DCC: variants seen among roughly 807,000 people sequenced by gnomAD.
DCC encodes the protein netrin receptor DCC.
DCC carries 58 observed loss-of-function variants against 172.5 expected under a neutral mutation model. That is an observed-to-expected ratio of 0.34 (90% CI 0.27 to 0.42). The LOEUF is 0.42. Ranked by LOEUF, DCC falls within the 10% of genes least tolerant of loss-of-function variation. The pLI is 1.00. For synonymous variants in DCC, 709 were observed against 644.5 expected, an observed-to-expected ratio of 1.10 and a Z score of -1.52; for missense variants, 1,740 against 1,791.0, an observed-to-expected ratio of 0.97 and a Z score of 0.51.
intron 1 of DCC, among the ~76,000 whole-genome samples, chr18:52,717,001 C>T (rs748467309): frequency 1.3e-4 from 20 of 152,164 alleles, no homozygotes; most frequent in Non-Finnish European, 2.5e-4. Flanking sequence ...CCCCTCCTGC[C>T]TGCCAAGTAT....
At chr18:53,254,444 C>T (rs2056479185) in intron 12 of DCC, among the ~76,000 whole-genome samples, 1 of 152,046 alleles carries the variant, frequency 6.6e-6, no homozygotes, top group African/African-American at 2.4e-5. Context: ...GCACCCAGAG[C>T]TATCAGCACC....
intron 26 of DCC, among the ~76,000 whole-genome samples, chr18:53,495,677 G>A (rs2046013689): frequency 6.6e-6 from 1 of 152,102 alleles, no homozygotes; most frequent in Non-Finnish European, 1.5e-5. Context: ...GGCCTGTCTT[G>A]AGAAGTTCTC....
rs1164180798 is a variant in DCC, at chr18:53,322,041, T to C, written c.2054-6T>C. The C allele has an allele frequency of 6.4e-7, 1 of 1,553,238 alleles. No individual in the cohort carries two copies. The highest frequency in any genetic ancestry group is 1.4e-5 in the African/African-American group (1 of 73,886). Reference sequence around the variant, plus strand: ...TTCTTCCCCCCTGTGGAAAATTCTTTCATAGGACTGGAGAAAGGAAGTCAG... The same window carrying C: ...TTCTTCCCCCCTGTGGAAAATTCTTCCATAGGACTGGAGAAAGGAAGTCAG... On this transcript the variant is annotated splice_region_variant and splice_polypyrimidine_tract_variant and intron_variant, in intron 13 of 28. Coordinates refer to ENST00000442544, the MANE Select transcript of DCC (RefSeq NM_005215.4).
intron 1 of DCC, among the ~76,000 whole-genome samples, chr18:52,498,797 A>G (rs2030902819): frequency 1.3e-5 from 2 of 152,094 alleles, no homozygotes; most frequent in Admixed American, 1.3e-4. Flanking sequence ...ATAGAAAGAA[A>G]CCTCTGATGT....
chr18:52,366,550 C>G (rs1984866587), intron 1 of DCC, among the ~76,000 whole-genome samples: 1 of 152,110 alleles, frequency 6.6e-6, no homozygotes, highest in Admixed American at 6.5e-5. Context: ...TACAGAGTTT[C>G]CACACACAGG....
chr18:52,384,646 G>T (rs1324099526), intron 1 of DCC, among the ~76,000 whole-genome samples: 1 of 152,128 alleles, frequency 6.6e-6, no homozygotes, highest in Non-Finnish European at 1.5e-5. Context: ...ATACTCATCA[G>T]CTCTTGTTTT....
chr18:53,087,446 G>C (rs1326062114), intron 7 of DCC, among the ~76,000 whole-genome samples: 3 of 151,382 alleles, frequency 2.0e-5, no homozygotes, highest in Non-Finnish European at 4.4e-5. Flanking sequence ...TTTTGATGGG[G>C]TTGTTTGTTT....
At chr18:53,528,395 T>C (rs8088048) in intron 28 of DCC, among the ~76,000 whole-genome samples, 78,104 of 151,922 alleles carry the variant, frequency 0.51, 21,721 homozygotes, top group East Asian at 0.75. Context: ...TAGCTGTTTA[T>C]GTCAATATCT....
chr18:53,293,633 C>T (rs760094436), intron 12 of DCC, among the ~76,000 whole-genome samples: 1 of 152,048 alleles, frequency 6.6e-6, no homozygotes, highest in South Asian at 2.1e-4. Context: ...CACCCTATAC[C>T]TTCAAGTAGG....
At chr18:52,996,526 A>G (rs184542752) in intron 5 of DCC, among the ~76,000 whole-genome samples, 2 of 152,074 alleles carry the variant, frequency 1.3e-5, no homozygotes, top group Admixed American at 1.3e-4. Context: ...AATTTATTTC[A>G]AATTCCAGAA....
intron 1 of DCC, among the ~76,000 whole-genome samples, chr18:52,659,950 A>C (rs576218937): frequency 1.3e-5 from 2 of 152,266 alleles, no homozygotes; most frequent in South Asian, 2.1e-4. Flanking sequence ...TGATTAGACC[A>C]CTGAAACCCA....
chr18:53,510,565 A>AAAAC (rs777487683), intron 27 of DCC, among the ~76,000 whole-genome samples: 4 of 152,200 alleles, frequency 2.6e-5, no homozygotes, highest in South Asian at 2.1e-4. Flanking sequence ...AAGGAGTGCA[A>AAAAC]AAACAAGAAA....
chr18:53,459,996 A>T (rs2045531371), intron 24 of DCC, among the ~76,000 whole-genome samples: 1 of 146,850 alleles, frequency 6.8e-6, no homozygotes, highest in Admixed American at 6.9e-5. Context: ...ACCTTATGTG[A>T]TCCCCAGACT....
At chr18:53,468,234 G>A (rs768255625) in intron 25 of DCC, among the ~76,000 whole-genome samples, 19 of 151,376 alleles carry the variant, frequency 1.3e-4, no homozygotes, top group Non-Finnish European at 2.2e-4. Flanking sequence ...GCAAACAGAT[G>A]GATATATATT....
At chr18:52,986,969 C>T (rs967808771) in intron 5 of DCC, among the ~76,000 whole-genome samples, 2 of 151,990 alleles carry the variant, frequency 1.3e-5, no homozygotes, top group Non-Finnish European at 2.9e-5. Flanking sequence ...ATTACAGGCG[C>T]ACACCACTAA....
At chr18:52,559,735 T>C (rs1290361478) in intron 1 of DCC, among the ~76,000 whole-genome samples, 3 of 151,642 alleles carry the variant, frequency 2.0e-5, no homozygotes, top group Non-Finnish European at 4.4e-5. Context: ...CCAAATTTGA[T>C]TTATTTCCCC....
At chr18:53,433,644 A>G (rs1269258866) in intron 21 of DCC, among the ~76,000 whole-genome samples, 1 of 143,640 alleles carries the variant, frequency 7.0e-6, no homozygotes, top group Non-Finnish European at 1.6e-5. Flanking sequence ...CTGCTCATTG[A>G]AACCCCAAAT....
intron 2 of DCC, among the ~76,000 whole-genome samples, chr18:52,810,324 C>T (rs374002183): frequency 6.0e-4 from 91 of 152,156 alleles, no homozygotes; most frequent in South Asian, 4.4e-3. Context: ...GGAGTGAGAA[C>T]GATGCAAGCC....
At chr18:52,353,284 T>C (rs1984208881) in intron 1 of DCC, among the ~76,000 whole-genome samples, 2 of 9,710 alleles carry the variant, frequency 2.1e-4, no homozygotes, top group East Asian at 0.014. Flanking sequence ...TCAATACTCA[T>C]ATAAGAACGC....
Sources: allele counts gnomAD v4.1 joint callset (sites outside exome capture counted in the v4.1 genomes callset), GRCh38; gene constraint gnomAD v4.1.1; transcripts MANE v1.5; gene names NCBI Gene and HGNC (gene_info 2026-07-23, HGNC 2026-07-21).